Variants in HMG20A observed in about 807,000 individuals in gnomAD.
The protein encoded by HMG20A is high mobility group 20A.
A neutral mutation model predicts 43.9 loss-of-function variants in HMG20A; 17 were observed. That is an observed-to-expected ratio of 0.39 (90% confidence interval 0.27 to 0.58). The LOEUF (loss-of-function observed/expected upper bound fraction) is 0.58. HMG20A is among the 20% of genes least tolerant of loss of function. HMG20A has a pLI of 0.59. For missense variants in HMG20A, 341 were observed against 438.2 expected, an observed-to-expected ratio of 0.78 and a Z score of 1.98; for synonymous variants, 132 against 147.5, an observed-to-expected ratio of 0.89 and a Z score of 0.76.
At chr15:77,495,547 TCAAAAAAATAAAGAACAACAA>T in the HMG20A span, among the ~76,000 whole-genome samples, 5 of 151,692 alleles carry the variant, frequency 3.3e-5, no homozygotes, top group Non-Finnish European at 5.9e-5. Flanking sequence ...AGACTCCATC[TCAAAAAAATAAAGAACAACAA>T]CAAAAAAAGG....
intron 4 of HMG20A, among the ~76,000 whole-genome samples, chr15:77,467,769 A>T (rs1270205609): frequency 6.6e-6 from 1 of 152,206 alleles, no homozygotes; most frequent in African/African-American, 2.4e-5. Flanking sequence ...ATTGAAAATA[A>T]AGCAAGAACA....
At position 77,471,792 on chromosome 15, in the gene HMG20A, G is replaced by C. The variant is rs192949693; in HGVS notation, c.593G>C (p.Arg198Pro). ...KGKSHRQDAA[R>P]QATHDHEKET... The stretch of plus-strand genomic sequence containing the variant: ...TCTTTTATATTTTTAGATGCAGCCC[G>C]GCAGGCCACTCATGATCATGAGGTA... Residue 198 changes from arginine (R) to proline (P), a missense_variant, in exon 6 of 10, where the codon CGG becomes CCG. Physicochemically the swap from Arg to Pro is moderately radical, Grantham distance 103 (BLOSUM62 -2). Around this residue, in one of 3 missense-constraint regions of HMG20A, gnomAD observed 220 missense variants for 263.6 expected, o/e 0.83. Coordinates refer to ENST00000336216, the MANE Select transcript of HMG20A (RefSeq NM_001304504.2). 10 of 1,572,000 alleles carry C rather than the reference G, an allele frequency of 6.4e-6. No homozygotes were observed. Among genetic ancestry groups the C allele is most frequent in the African/African-American group, 5.5e-5 (4 of 73,240 alleles).
rs539169524 is a variant in HMG20A at position 77,483,981 on chromosome 15, C to G, written c.*1018C>G. 1 of 152,224 alleles carries G rather than the reference C, an allele frequency of 6.6e-6. No homozygotes were observed. The highest frequency in any genetic ancestry group is 1.9e-4 in the East Asian group (1 of 5,196). 9.4% of individuals were successfully genotyped at this position (152,224 alleles called of 1,614,324 possible). ...CACAAAAAAAGCAAGGAAGAATTCT[C>G]ATGTCCTTTGTCTTCCTTCTGTAGC... On this transcript the variant is annotated 3_prime_UTR_variant, in exon 10 of 10. Transcript: ENST00000336216.
chr15:77,491,803 T>C, the HMG20A span, among the ~76,000 whole-genome samples: 3 of 152,218 alleles, frequency 2.0e-5, no homozygotes. Context: ...AAGTACATTT[T>C]TGGTGTACTC....
the HMG20A span, among the ~76,000 whole-genome samples, chr15:77,509,338 C>G: frequency 6.6e-6 from 1 of 151,862 alleles, no homozygotes; most frequent in Non-Finnish European, 1.5e-5. Context: ...ACTGCAGCCT[C>G]GATCTCTCTG....
chr15:77,482,821 A>G (rs894348806), intron 9 of HMG20A, 149 bp from the exon 10 acceptor site: 12 of 152,152 alleles, frequency 7.9e-5, no homozygotes, highest in Non-Finnish European at 1.6e-4. Flanking sequence ...TTCAGTTTAC[A>G]TACACCCTGC....
intron 6 of HMG20A, among the ~76,000 whole-genome samples, chr15:77,476,290 T>A (rs1414175354): frequency 6.6e-6 from 1 of 152,120 alleles, no homozygotes; most frequent in South Asian, 2.1e-4. Flanking sequence ...AAGACCAGCC[T>A]GGCCAACATG....
chr15:77,498,595 CTG>C, the HMG20A span, among the ~76,000 whole-genome samples: 1 of 152,142 alleles, frequency 6.6e-6, no homozygotes, highest in African/African-American at 2.4e-5. Context: ...GATGGGAACT[CTG>C]GGGTTCACAT....
intron 1 of HMG20A, among the ~76,000 whole-genome samples, chr15:77,442,161 AG>A (rs2142295452): frequency 6.6e-6 from 1 of 152,368 alleles, no homozygotes; most frequent in South Asian, 2.1e-4. Context: ...AAACCTCTTA[AG>A]GAAATGCTGA....
At chr15:77,450,128 A>T (rs115705201) in intron 1 of HMG20A, among the ~76,000 whole-genome samples, 2,028 of 151,818 alleles carry the variant, frequency 0.013, 46 homozygotes, top group African/African-American at 0.04. Flanking sequence ...TTATTTATTT[A>T]TTTTTTTATT....
the HMG20A span, among the ~76,000 whole-genome samples, chr15:77,514,659 T>A: frequency 6.6e-6 from 1 of 152,166 alleles, no homozygotes; most frequent in South Asian, 2.1e-4. Flanking sequence ...CAGGCCCTGA[T>A]ACTAGACCTT....
chr15:77,446,299 C>A (rs1000941949), intron 1 of HMG20A, among the ~76,000 whole-genome samples: 1 of 151,976 alleles, frequency 6.6e-6, no homozygotes, highest in African/African-American at 2.4e-5. Flanking sequence ...TTCCACGTCC[C>A]CTACTAGATT....
chr15:77,446,316 T>C (rs1018052766), intron 1 of HMG20A, among the ~76,000 whole-genome samples: 2 of 152,112 alleles, frequency 1.3e-5, no homozygotes, highest in Admixed American at 6.6e-5. Context: ...GATTATGAAC[T>C]GTAAAATAAT....
At chr15:77,489,491 A>G (rs956519832), downstream of HMG20A, among the ~76,000 whole-genome samples, 66 of 152,246 alleles carry the variant, frequency 4.3e-4, no homozygotes, top group African/African-American at 1.0e-3. Context: ...AACTGGAATT[A>G]GACCTATTCA....
At chr15:77,472,272 T>C (rs2072816419) in intron 6 of HMG20A, among the ~76,000 whole-genome samples, 2 of 152,250 alleles carry the variant, frequency 1.3e-5, no homozygotes, top group South Asian at 2.1e-4. Context: ...TTTTTTGTTT[T>C]GTTTTGTTTT....
chr15:77,471,578 C>T (rs571322952), intron 5 of HMG20A, among the ~76,000 whole-genome samples: 107 of 152,308 alleles, frequency 7.0e-4, no homozygotes, highest in African/African-American at 2.4e-3. Context: ...TGCTGTTTCT[C>T]TTATGCCTAA....
At chr15:77,505,528 G>A in the HMG20A span, among the ~76,000 whole-genome samples, 6 of 152,200 alleles carry the variant, frequency 3.9e-5, no homozygotes, top group Non-Finnish European at 7.3e-5. Flanking sequence ...CTCCCATGCA[G>A]GAGAACCAGC....
chr15:77,511,396 C>T, the HMG20A span, among the ~76,000 whole-genome samples: 645 of 152,270 alleles, frequency 4.2e-3, 6 homozygotes, highest in African/African-American at 0.015. Flanking sequence ...CCAAATCATT[C>T]GCCACTGAAA....
rs1010794885 is a variant in HMG20A at position 77,420,935 on chromosome 15, G to C, written c.-74G>C. The C allele has an allele frequency of 1.2e-4, 47 of 398,634 alleles. 1 individual carries two copies. The highest frequency in any genetic ancestry group is 3.1e-5 in the Non-Finnish European group (7 of 226,126). 24.7% of individuals were successfully genotyped at this position (398,634 alleles called of 1,614,324 possible). Reference sequence around the variant, plus strand: ...GAAGTGAAGGCGATTGAGAGGGGCTGAGGGAATTGTCCTCTGTGGAAGGGA... The same window carrying C: ...GAAGTGAAGGCGATTGAGAGGGGCTCAGGGAATTGTCCTCTGTGGAAGGGA... On this transcript the variant is annotated 5_prime_UTR_variant, in exon 1 of 10. Coordinates refer to ENST00000336216, the MANE Select transcript of HMG20A (RefSeq NM_001304504.2).
Sources: allele counts gnomAD v4.1 joint callset (sites outside exome capture counted in the v4.1 genomes callset), GRCh38; gene constraint gnomAD v4.1.1; regional missense constraint gnomAD v4.1.1; transcripts MANE v1.5; gene names NCBI Gene and HGNC (gene_info 2026-07-23, HGNC 2026-07-21).